CTNND2: variants seen among roughly 807,000 people sequenced by gnomAD.
CTNND2 encodes the protein catenin delta 2.
In CTNND2, 22 loss-of-function variants were observed where a neutral mutation model predicts 144.4. The observed-to-expected ratio is 0.15, with a 90% confidence interval of 0.11 to 0.22. The LOEUF is 0.22. Among genes scored for constraint, CTNND2 ranks in the 10% least tolerant of loss-of-function variants. CTNND2 has a pLI of 1.00. For missense variants in CTNND2, 1,353 were observed against 1,618.8 expected (o/e 0.84, Z 2.82); for synonymous variants, 751 against 695.6 (o/e 1.08, Z -1.25).
intron 16 of CTNND2, among the ~76,000 whole-genome samples, chr5:11,037,206 A>C (rs852632): frequency 0.81 from 123,206 of 152,194 alleles, 50,443 homozygotes; most frequent in African/African-American, 0.94. Flanking sequence ...CTGACTAATT[A>C]TTTATGAAAC....
At chr5:11,654,074 T>A (rs544592700) in intron 2 of CTNND2, among the ~76,000 whole-genome samples, 62 of 152,184 alleles carry the variant, frequency 4.1e-4, no homozygotes, top group African/African-American at 1.4e-3. Context: ...ATTTCTGGGA[T>A]CTCTATTCTG....
intron 9 of CTNND2, among the ~76,000 whole-genome samples, chr5:11,313,796 G>A (rs964224236): frequency 2.0e-5 from 3 of 152,176 alleles, no homozygotes; most frequent in Non-Finnish European, 2.9e-5. Context: ...GGTTCCGCAG[G>A]CTGTACAGGA....
intron 13 of CTNND2, among the ~76,000 whole-genome samples, chr5:11,114,030 A>G (rs1277258313): frequency 1.3e-5 from 2 of 152,102 alleles, no homozygotes; most frequent in African/African-American, 4.8e-5. Flanking sequence ...CTGATTTTCT[A>G]TTCCAAGCAT....
chr5:10,974,757 A>C (rs1736239805), intron 21 of CTNND2, among the ~76,000 whole-genome samples: 1 of 152,232 alleles, frequency 6.6e-6, no homozygotes, highest in Admixed American at 6.5e-5. Flanking sequence ...AATTTAACTA[A>C]AGTTCAGCAC....
In CTNND2 at chr5:11,903,951, C is replaced by T; in HGVS notation, c.-98G>A. ...TCCTGACCTTGCCCAACTGCAGCAT[C>T]TTCCGCTTTTGTTGTCTGAGCGCGG... On this transcript the variant is annotated 5_prime_UTR_variant, in exon 1 of 22. Transcript: ENST00000304623. This position sits in a 1 kb window ranked among gnomAD's most constrained non-coding sequence, Gnocchi z 5.4. 2 of 1,273,942 alleles carry T rather than the reference C, an allele frequency of 1.6e-6. No homozygotes were observed. Among genetic ancestry groups the T allele is most frequent in the African/African-American group, 1.6e-5 (1 of 63,938 alleles). The allele number at this position is 1,273,942 out of a possible 1,614,324, so 78.9% of individuals were successfully genotyped here.
chr5:11,519,212 C>G (rs1280262792), intron 3 of CTNND2, among the ~76,000 whole-genome samples: 1 of 152,212 alleles, frequency 6.6e-6, no homozygotes, highest in Non-Finnish European at 1.5e-5. Context: ...CTTGATCATT[C>G]TTAATAGCAA....
chr5:11,481,559 T>C (rs1768267205), intron 3 of CTNND2, among the ~76,000 whole-genome samples: 1 of 151,690 alleles, frequency 6.6e-6, no homozygotes, highest in Admixed American at 6.6e-5. Flanking sequence ...GCCAAGGTCA[T>C]GCCACTGCAC....
chr5:10,988,097 C>T lies in CTNND2; in HGVS notation c.3343+14G>A, dbSNP rs377254747. The T allele has an allele frequency of 2.5e-6, 4 of 1,613,698 alleles. No individual in the cohort carries two copies. Among genetic ancestry groups the T allele is most frequent in the East Asian group, 2.2e-5 (1 of 44,846 alleles). On this transcript the variant is annotated intron_variant, in intron 20 of 21. Transcript: ENST00000304623. This position sits in a 1 kb window ranked among gnomAD's most constrained non-coding sequence, Gnocchi z 5.9. Reference sequence around the variant, plus strand: ...CCACCAAGTTCCAGGAGGGGGCGCGCGAGGGGCGCTCACCTGTCATGGCAT... The same window carrying T: ...CCACCAAGTTCCAGGAGGGGGCGCGTGAGGGGCGCTCACCTGTCATGGCAT...
chr5:11,503,058 T>C (rs1292339011), intron 3 of CTNND2, among the ~76,000 whole-genome samples: 1 of 152,196 alleles, frequency 6.6e-6, no homozygotes. Flanking sequence ...TGAATGAAAC[T>C]GTATGTAGCA....
chr5:11,792,306 CA>C (rs1791176749), intron 1 of CTNND2, among the ~76,000 whole-genome samples: 2 of 151,940 alleles, frequency 1.3e-5, no homozygotes, highest in Non-Finnish European at 1.5e-5. Flanking sequence ...TACACACACA[CA>C]CATATATATT....
intron 12 of CTNND2, among the ~76,000 whole-genome samples, chr5:11,146,339 C>T (rs10059698): frequency 0.63 from 95,899 of 151,976 alleles, 30,285 homozygotes; most frequent in East Asian, 0.73. Flanking sequence ...GGCAGACTGG[C>T]TGCAGAGTTC....
At chr5:11,333,061 G>A (rs1435253035) in intron 9 of CTNND2, among the ~76,000 whole-genome samples, 1 of 152,140 alleles carries the variant, frequency 6.6e-6, no homozygotes, top group East Asian at 1.9e-4. Flanking sequence ...TGTGAAAATG[G>A]ACTAATACAT....
intron 2 of CTNND2, among the ~76,000 whole-genome samples, chr5:11,686,219 G>A (rs1164498503): frequency 6.7e-6 from 1 of 148,740 alleles, no homozygotes; most frequent in East Asian, 1.9e-4. Flanking sequence ...AAAAAAAAAA[G>A]AAAGAAAAAA....
chr5:11,625,389 A>ATCTC (rs57148533), intron 2 of CTNND2, among the ~76,000 whole-genome samples: 30,149 of 140,270 alleles, frequency 0.21, 3,370 homozygotes, highest in South Asian at 0.32. Flanking sequence ...AAACAGAAAA[A>ATCTC]TCTCTCTCTC....
Position 11,291,716 on chromosome 5 carries a change from C to A in CTNND2, c.1628+54656G>T, listed in dbSNP as rs150369928. On this transcript the variant is annotated intron_variant, in intron 9 of 21. Coordinates refer to ENST00000304623, the MANE Select transcript of CTNND2 (RefSeq NM_001332.4). ...TCCAAACGTATCTCTAGCTTTATGA[C>A]TTAGCTCCCCAAATCTCCCCAGTAC... Among the ~76,000 whole-genome samples the A allele has an allele frequency of 5.1e-3, 780 of 152,248 alleles. 3 individuals carry two copies. Among genetic ancestry groups the A allele is most frequent in the Non-Finnish European group, 6.0e-3 (405 of 68,012 alleles).
At chr5:11,781,471 C>A (rs561320681) in intron 1 of CTNND2, among the ~76,000 whole-genome samples, 1 of 152,248 alleles carries the variant, frequency 6.6e-6, no homozygotes, top group South Asian at 2.1e-4. Flanking sequence ...ATTCCTTTCC[C>A]CCAGGAGTCT....
intron 1 of CTNND2, among the ~76,000 whole-genome samples, chr5:11,895,071 A>G (rs962126070): frequency 6.6e-6 from 1 of 152,124 alleles, no homozygotes; most frequent in African/African-American, 2.4e-5. Flanking sequence ...GTGTTTGCCT[A>G]AAAACAGTGT....
chr5:11,882,946 T>C (rs1736235582), intron 1 of CTNND2, among the ~76,000 whole-genome samples: 1 of 152,148 alleles, frequency 6.6e-6, no homozygotes, highest in Admixed American at 6.5e-5. Context: ...TCCATGAACA[T>C]GGGATATTTT....
At chr5:11,602,791 TA>T (rs975852412) in intron 2 of CTNND2, among the ~76,000 whole-genome samples, 58 of 146,234 alleles carry the variant, frequency 4.0e-4, no homozygotes, top group South Asian at 1.3e-3. Flanking sequence ...TAGATATAAA[TA>T]TAATATATAT....
Sources: gnomAD v4.1 joint callset for allele counts (sites outside exome capture counted in the v4.1 genomes callset) on GRCh38, gnomAD v4.1.1 for gene constraint, Gnocchi (gnomAD v3.1) non-coding constraint, MANE v1.5 for transcripts, NCBI Gene and HGNC (gene_info 2026-07-23, HGNC 2026-07-21) for gene names.